The following GLP1R variants were observed in gnomAD, a reference collection of about 807,000 sequenced individuals.
The protein encoded by GLP1R is glucagon-like peptide 1 receptor.
GLP1R carries 32 observed loss-of-function variants against 68.4 expected under a neutral mutation model. That is an observed-to-expected ratio of 0.47 (90% CI 0.35 to 0.63). The LOEUF (loss-of-function observed/expected upper bound fraction) is 0.63, where lower values mean the gene tolerates loss of function less well. GLP1R is among the 20% of genes least tolerant of loss of function. The pLI, the probability that GLP1R is intolerant of heterozygous loss-of-function variation, is 0.00. For missense variants in GLP1R, 502 were observed against 594.9 expected (o/e 0.84, Z 1.62); for synonymous variants, 263 against 244.4 (o/e 1.08, Z -0.71).
At chr6:39,058,087 C>T (rs1345940892) in intron 3 of GLP1R, among the ~76,000 whole-genome samples, 6 of 152,256 alleles carry the variant, frequency 3.9e-5, no homozygotes, top group East Asian at 1.9e-4. Context: ...TGGGTCTGGG[C>T]GTGAGGCCAG....
intron 3 of GLP1R, among the ~76,000 whole-genome samples, chr6:39,063,846 G>A (rs1768418677): frequency 6.6e-6 from 1 of 151,014 alleles, no homozygotes; most frequent in African/African-American, 2.4e-5. Context: ...GGTTGCCCCT[G>A]TCCTGCACCC....
At chr6:39,065,687 C>G (rs1406257713) in intron 3 of GLP1R, 24 bp from the exon 4 acceptor site, 3 of 1,480,854 alleles carry the variant, frequency 2.0e-6, no homozygotes, top group Admixed American at 3.9e-5. Flanking sequence ...GGCTGAGGCT[C>G]AGGGCCAGGT....
rs528438345 is a variant in GLP1R, at chr6:39,075,586, G to A, written c.823+1817G>A. On this transcript the variant is annotated intron_variant, in intron 7 of 12. Transcript: ENST00000373256. ...GGCTCGGGGTCTGTGGGAGCACAAG[G>A]GCAAGACCCGGAGGACACCCTGCTC... Among the ~76,000 whole-genome samples the A allele has an allele frequency of 3.9e-5, 6 of 152,238 alleles. No individual in the cohort carries two copies. In the South Asian group the frequency reaches 1.2e-3, roughly 32 times the overall value.
chr6:39,072,792 T>G, intron 5 of GLP1R, 70 bp from the exon 6 acceptor site: 48 of 1,397,262 alleles, frequency 3.4e-5, no homozygotes, highest in Non-Finnish European at 4.1e-5. Flanking sequence ...TGTGTTAGCT[T>G]GAGAGCCTGG....
In GLP1R at chr6:39,049,661, A is replaced by G. The variant is rs1768040742; in HGVS notation, c.78+743A>G. On this transcript the variant is annotated intron_variant, in intron 1 of 12. Transcript: ENST00000373256. The surrounding 1 kb of genome is among the most constrained non-coding windows in gnomAD (Gnocchi z 4.5). ...TCATCCTGCACTGACAGCAGGCCCC[A>G]AGAGAAGGCATACTGGGACACGCAA... Among the ~76,000 whole-genome samples, 1 of 152,006 alleles carries G rather than the reference A, an allele frequency of 6.6e-6. No homozygotes were observed. Among genetic ancestry groups the G allele is most frequent in the Non-Finnish European group, 1.5e-5 (1 of 67,992 alleles).
chr6:39,067,036 T>A (rs1208358362), intron 5 of GLP1R, among the ~76,000 whole-genome samples: 2 of 152,194 alleles, frequency 1.3e-5, no homozygotes, highest in Non-Finnish European at 2.9e-5. Flanking sequence ...AAAAATGCAA[T>A]GACTGATACT....
rs926373505 is a variant in GLP1R, at chr6:39,049,195, C to A, written c.78+277C>A. Among the ~76,000 whole-genome samples, 1 of 152,170 alleles carries A rather than the reference C, an allele frequency of 6.6e-6. No homozygotes were observed. Among genetic ancestry groups the A allele is most frequent in the Non-Finnish European group, 1.5e-5 (1 of 68,016 alleles). On this transcript the variant is annotated intron_variant, in intron 1 of 12. Transcript: ENST00000373256. The surrounding 1 kb of genome is among the most constrained non-coding windows in gnomAD (Gnocchi z 4.5). ...CTCTGCCCGGGCACCCGCTGCCCCGCGGCCGCCCTGCGCTGACTTCTGCTC... is the reference window on the plus strand; with the variant it reads ...CTCTGCCCGGGCACCCGCTGCCCCGAGGCCGCCCTGCGCTGACTTCTGCTC...
Position 39,086,298 on chromosome 6 carries a change from CT to C in GLP1R, c.*226del. On this transcript the variant is annotated 3_prime_UTR_variant, in exon 13 of 13. Coordinates refer to ENST00000373256, the MANE Select transcript of GLP1R (RefSeq NM_002062.5). The surrounding 1 kb of genome is among the most constrained non-coding windows in gnomAD (Gnocchi z 4.5). ...CACATTTTCTCCTAGGAGAAGCAGC[CT>C]CCTAATTTGATCACAGTGGCGAGAG... The C allele has an allele frequency of 2.1e-6, 1 of 478,680 alleles. No individual in the cohort carries two copies. The highest frequency in any genetic ancestry group is 3.2e-5 in the East Asian group (1 of 31,318). 29.7% of individuals were successfully genotyped at this position (478,680 alleles called of 1,614,324 possible). A position where few individuals can be genotyped will look rare whatever the true frequency, so the allele number is the denominator to read the frequency against.
Position 39,086,018 on chromosome 6 carries a change from G to C in GLP1R, c.1337G>C (p.Gly446Ala). ...TGTCCCACCAGCAGCCTGAGCAGTG[G>C]AGCCACGGCGGGCAGCAGCATGTAC... The part of the protein sequence containing the change: ...LKCPTSSLSS[G>A]ATAGSSMYTA... The change falls in exon 13 of 13, where the codon GGA becomes GCA. Residue 446 changes from glycine to alanine, a missense_variant. Gly to Ala is a moderately conservative substitution (Grantham distance 60, BLOSUM62 0). Transcript: ENST00000373256. This position sits in a 1 kb window ranked among gnomAD's most constrained non-coding sequence, Gnocchi z 4.5. The C allele has an allele frequency of 6.2e-7, 1 of 1,614,068 alleles. No individual in the cohort carries two copies. Among genetic ancestry groups the C allele is most frequent in the Non-Finnish European group, 8.5e-7 (1 of 1,179,960 alleles).
intron 8 of GLP1R, 78 bp downstream of exon 8, chr6:39,078,460 G>A (rs768429446): frequency 5.0e-6 from 5 of 992,502 alleles, no homozygotes; most frequent in African/African-American, 3.2e-5. Context: ...GGTACCTGGG[G>A]CACCCATCTG....
intron 8 of GLP1R, 31 bp from the exon 9 acceptor site, chr6:39,078,926 G>A (rs200092364): frequency 5.5e-5 from 87 of 1,589,698 alleles, no homozygotes; most frequent in South Asian, 2.3e-4. Context: ...AGTCCTGCTG[G>A]ATGCATGTGT....
intron 1 of GLP1R, among the ~76,000 whole-genome samples, chr6:39,050,758 C>T (rs1465773492): frequency 1.3e-5 from 2 of 152,160 alleles, no homozygotes; most frequent in Non-Finnish European, 2.9e-5. Flanking sequence ...TCTATGAAGT[C>T]AAAAGGGTTA....
chr6:39,059,893 T>C lies in GLP1R; in HGVS notation c.283+2314T>C, dbSNP rs1001392853. On this transcript the variant is annotated intron_variant, in intron 3 of 12. Coordinates refer to ENST00000373256, the MANE Select transcript of GLP1R (RefSeq NM_002062.5). Reference sequence around the variant, plus strand: ...TAATTTTATTTGAGCAGGAAATAGGTCCTGGTGGTGCCCGTTTATGAGCAA... The same window carrying C: ...TAATTTTATTTGAGCAGGAAATAGGCCCTGGTGGTGCCCGTTTATGAGCAA... 3.9e-5 allele frequency among the ~76,000 whole-genome samples: 6 copies of C among 152,166 alleles called. No individual in the cohort carries two copies. The South Asian group carries it at 8.3e-4, about 21-fold the overall frequency.
At chr6:39,061,016 C>T (rs1020590984) in intron 3 of GLP1R, among the ~76,000 whole-genome samples, 2 of 152,122 alleles carry the variant, frequency 1.3e-5, no homozygotes, top group African/African-American at 4.8e-5. Flanking sequence ...TGGGGCCAGA[C>T]GTGAAAGAAC....
At chr6:39,065,858 G>A in intron 4 of GLP1R, 29 bp downstream of exon 4, 1 of 1,358,610 alleles carries the variant, frequency 7.4e-7, no homozygotes, top group Non-Finnish European at 1.1e-6. Flanking sequence ...CTGAGCCAGG[G>A]AGCGGGGAGC....
In GLP1R at chr6:39,091,302, T is replaced by A. The variant is rs1769270505; in HGVS notation, c.*5229T>A. ...GCCAAATAAAAGTCTGTCTCTACTG[T>A]CTCTCTTGCTCTTCCTTTGCGAAAG... On this transcript the variant is annotated 3_prime_UTR_variant, in exon 13 of 13. Coordinates refer to ENST00000373256, the MANE Select transcript of GLP1R (RefSeq NM_002062.5). Among the ~76,000 whole-genome samples the A allele has an allele frequency of 6.6e-6, 1 of 152,242 alleles. No homozygotes were observed. The highest frequency in any genetic ancestry group is 1.9e-4 in the East Asian group (1 of 5,204).
At chr6:39,081,689 A>G (rs908447618) in intron 12 of GLP1R, among the ~76,000 whole-genome samples, 2 of 152,184 alleles carry the variant, frequency 1.3e-5, no homozygotes, top group Admixed American at 1.3e-4. Flanking sequence ...TGGGTGTTTC[A>G]AGGAGCTATG....
chr6:39,050,960 G>A (rs759137481), intron 1 of GLP1R, among the ~76,000 whole-genome samples: 5 of 152,148 alleles, frequency 3.3e-5, no homozygotes, highest in East Asian at 1.9e-4. Context: ...GTCAGGTCTC[G>A]TGAGGCTGGA....
intron 3 of GLP1R, among the ~76,000 whole-genome samples, chr6:39,064,250 C>A (rs1307754388): frequency 6.6e-6 from 1 of 152,078 alleles, no homozygotes; most frequent in Non-Finnish European, 1.5e-5. Context: ...GGCAATCCAC[C>A]TGCCTCGGCC....
Sources: gnomAD v4.1 joint callset for allele counts (sites outside exome capture counted in the v4.1 genomes callset) on GRCh38, gnomAD v4.1.1 for gene constraint, Gnocchi (gnomAD v3.1) non-coding constraint, MANE v1.5 for transcripts, NCBI Gene and HGNC (gene_info 2026-07-23, HGNC 2026-07-21) for gene names.